TSPAN7: variants seen among roughly 807,000 people sequenced by gnomAD.
TSPAN7 encodes the protein tetraspanin 7, also known as tetraspanin-7.
A neutral mutation model predicts 17.6 loss-of-function variants in TSPAN7; 1 was observed. The ratio of observed to expected loss-of-function variants is 0.06; its 90% CI spans 0.02 to 0.27. TSPAN7 has a LOEUF of 0.27. Ranked by LOEUF, TSPAN7 falls within the 10% of genes least tolerant of loss-of-function variation. The pLI is 1.00. For missense variants in TSPAN7, 112 were observed against 201.7 expected, an observed-to-expected ratio of 0.56 and a Z score of 2.69; for synonymous variants, 78 against 79.0, an observed-to-expected ratio of 0.99 and a Z score of 0.07.
intron 1 of TSPAN7, among the ~76,000 whole-genome samples, chrX:38,635,821 G>T (rs965611068): frequency 1.9e-4 from 21 of 111,248 alleles, no homozygotes; most frequent in African/African-American, 6.5e-4. Context: ...ACGCAACTCT[G>T]TCTCACCCCA....
chrX:38,620,078 A>G (rs2069480880), intron 1 of TSPAN7, among the ~76,000 whole-genome samples: 1 of 111,625 alleles, frequency 9.0e-6, no homozygotes, highest in African/African-American at 3.3e-5. Context: ...CCTGTGTAGC[A>G]GTGTGGAAGC....
chrX:38,630,436 C>T (rs1420826488), intron 1 of TSPAN7, among the ~76,000 whole-genome samples: 1 of 111,362 alleles, frequency 9.0e-6, no homozygotes, highest in East Asian at 2.8e-4. Context: ...TATAGTAGGA[C>T]TGAATTTACC....
chrX:38,671,102 C>T (rs1029043467), intron 2 of TSPAN7, among the ~76,000 whole-genome samples: 11 of 111,752 alleles, frequency 9.8e-5, no homozygotes, highest in African/African-American at 3.6e-4. Flanking sequence ...CAGATTTCTC[C>T]AGGTGAGCCA....
intron 1 of TSPAN7, among the ~76,000 whole-genome samples, chrX:38,651,986 A>G (rs973925366): frequency 2.7e-5 from 3 of 111,761 alleles, no homozygotes; most frequent in African/African-American, 6.5e-5. Flanking sequence ...TTGCTTATGG[A>G]AAATAGAAGA....
chrX:38,672,458 C>T (rs2069827640), intron 3 of TSPAN7, among the ~76,000 whole-genome samples: 1 of 110,401 alleles, frequency 9.1e-6, no homozygotes, highest in African/African-American at 3.3e-5. Context: ...TCCCCTTTAC[C>T]AAAGACAGTA....
intron 1 of TSPAN7, chrX:38,562,952 T>G: frequency 1.0e-6 from 1 of 963,524 alleles, no homozygotes; most frequent in East Asian, 7.6e-5. Context: ...CCACCATATA[T>G]TAGCCCTATT....
At chrX:38,658,510 T>C (rs2069718862) in intron 1 of TSPAN7, among the ~76,000 whole-genome samples, 1 of 111,213 alleles carries the variant, frequency 9.0e-6, no homozygotes, top group Admixed American at 9.5e-5. Flanking sequence ...AAGGAGAAAA[T>C]GTCTCTTTCT....
intron 1 of TSPAN7, among the ~76,000 whole-genome samples, chrX:38,588,772 C>T (rs1361732559): frequency 8.9e-6 from 1 of 111,738 alleles, no homozygotes; most frequent in Non-Finnish European, 1.9e-5. Context: ...AGCCTCTTAG[C>T]CCAAGGTGCT....
intron 1 of TSPAN7, among the ~76,000 whole-genome samples, 169 bp downstream of exon 1, chrX:38,561,796 C>T (rs1026879672): frequency 2.7e-5 from 3 of 110,607 alleles, no homozygotes; most frequent in African/African-American, 6.6e-5. Flanking sequence ...TGGCAGGGTG[C>T]GGGTCGGGGC....
At chrX:38,655,966 T>C (rs1011664297) in intron 1 of TSPAN7, 1 of 317,437 alleles carries the variant, frequency 3.2e-6, no homozygotes, top group Admixed American at 3.2e-5. Context: ...TTGGCATTTA[T>C]GGAAAAATTG....
At chrX:38,628,179 C>G (rs2069531572) in intron 1 of TSPAN7, among the ~76,000 whole-genome samples, 1 of 112,571 alleles carries the variant, frequency 8.9e-6, no homozygotes, top group Admixed American at 9.3e-5. Context: ...CCACAATGCC[C>G]GCTGTGGGGC....
At chrX:38,682,944 G>C (rs976364227) in intron 6 of TSPAN7, among the ~76,000 whole-genome samples, 2 of 112,022 alleles carry the variant, frequency 1.8e-5, no homozygotes, top group African/African-American at 6.5e-5. Flanking sequence ...ACATATGTAT[G>C]TGTAGCATCA....
At position 38,618,583 on chromosome X, in the gene TSPAN7, A is replaced by G. The variant is rs544389094; in HGVS notation, c.82-47538A>G. On this transcript the variant is annotated intron_variant, in intron 1 of 7. Transcript: ENST00000378482. ...AGTAAGGAGGGTTCATTTCCCCACA[A>G]ATCTTTTACTCAAACTGTCTGGCTT... Among the ~76,000 whole-genome samples the G allele has an allele frequency of 2.7e-5, 3 of 111,588 alleles. No homozygotes were observed. In the South Asian group the frequency reaches 1.1e-3, roughly 42 times the overall value.
intron 1 of TSPAN7, among the ~76,000 whole-genome samples, chrX:38,592,651 A>G (rs986587801): frequency 7.2e-5 from 8 of 110,763 alleles, no homozygotes; most frequent in African/African-American, 2.0e-4. Flanking sequence ...GAACCCTGTG[A>G]TAGTATAAAA....
At chrX:38,584,946 A>T (rs1365593379) in intron 1 of TSPAN7, among the ~76,000 whole-genome samples, 1 of 112,316 alleles carries the variant, frequency 8.9e-6, no homozygotes, top group Non-Finnish European at 1.9e-5. Context: ...ATTTTTGAAC[A>T]TTATATAAAT....
chrX:38,601,969 C>A (rs1240088691), intron 1 of TSPAN7, among the ~76,000 whole-genome samples: 2 of 111,778 alleles, frequency 1.8e-5, no homozygotes, highest in Non-Finnish European at 3.8e-5. Flanking sequence ...GTCTACATAA[C>A]ATTGGCCCAT....
At chrX:38,571,015 A>G (rs2069166657) in intron 1 of TSPAN7, 1 of 112,283 alleles carries the variant, frequency 8.9e-6, no homozygotes, top group Non-Finnish European at 1.9e-5. Context: ...AGGGAATACA[A>G]GTGCAGTTTT....
At chrX:38,581,743 A>G (rs111688991) in intron 1 of TSPAN7, among the ~76,000 whole-genome samples, 1,388 of 112,031 alleles carry the variant, frequency 0.012, 17 homozygotes, top group African/African-American at 0.042. Context: ...AAACTCTCCA[A>G]ATTGCTGGCT....
intron 1 of TSPAN7, among the ~76,000 whole-genome samples, chrX:38,603,408 A>G (rs963330559): frequency 1.8e-5 from 2 of 112,250 alleles, no homozygotes; most frequent in African/African-American, 6.5e-5. Context: ...ACTCCTAAGT[A>G]TATACCCAAT....
Sources: allele counts gnomAD v4.1 joint callset (sites outside exome capture counted in the v4.1 genomes callset), GRCh38; gene constraint gnomAD v4.1.1; transcripts MANE v1.5; gene names NCBI Gene and HGNC (gene_info 2026-07-23, HGNC 2026-07-21).